MOSPD1: variants seen among roughly 807,000 people sequenced by gnomAD.
MOSPD1 encodes motile sperm domain-containing protein 1.
A neutral mutation model predicts 16.7 loss-of-function variants in MOSPD1; 5 were observed. The observed-to-expected ratio is 0.30, with a 90% CI of 0.16 to 0.63. The LOEUF is 0.63. Among genes scored for constraint, MOSPD1 ranks in the 30% least tolerant of loss-of-function variants. MOSPD1 has a pLI of 0.82. For synonymous variants in MOSPD1, 67 were observed against 59.2 expected, an observed-to-expected ratio of 1.13 and a Z score of -0.61; for missense variants, 104 against 153.6, an observed-to-expected ratio of 0.68 and a Z score of 1.71.
At chrX:134,910,761 G>A (rs149845406) in intron 1 of MOSPD1, among the ~76,000 whole-genome samples, 6,693 of 111,857 alleles carry the variant, frequency 0.06, 212 homozygotes, top group Non-Finnish European at 0.093. Flanking sequence ...AGCAAATATG[G>A]GGAGAGGGGC....
chrX:134,896,801 A>G lies in MOSPD1; in HGVS notation c.448+16T>C, dbSNP rs1165169347. On this transcript the variant is annotated intron_variant, in intron 4 of 5. Transcript: ENST00000370783. The stretch of plus-strand genomic sequence containing the variant: ...TGTAAGACCTCAAAAGGGCTTTAAA[A>G]ACAACCCAAAACTACCTGGTTGAAA... 1 of 1,186,305 alleles carries G rather than the reference A, an allele frequency of 8.4e-7. No homozygotes were observed. The highest frequency in any genetic ancestry group is 1.1e-6 in the Non-Finnish European group (1 of 873,745).
At chrX:134,911,684 T>C (rs773810188) in intron 1 of MOSPD1, among the ~76,000 whole-genome samples, 1 of 112,320 alleles carries the variant, frequency 8.9e-6, no homozygotes, top group Non-Finnish European at 1.9e-5. Context: ...AATCAATCAG[T>C]GAGACTGACA....
intron 3 of MOSPD1, 181 bp downstream of exon 3, chrX:134,898,909 T>G (rs1292594719): frequency 2.5e-6 from 1 of 405,924 alleles, no homozygotes; most frequent in Non-Finnish European, 4.3e-6. Flanking sequence ...TAATAAAATA[T>G]TATTAAGTAT....
At position 134,891,644 on chromosome X, in the gene MOSPD1, T is replaced by C. The variant is rs1469079155; in HGVS notation, c.449-4A>G. 1.7e-6 allele frequency: 2 copies of C among 1,201,995 alleles called. No individual in the cohort carries two copies. The highest frequency in any genetic ancestry group is 3.5e-5 in the African/African-American group (2 of 56,643). On this transcript the variant is annotated splice_region_variant and splice_polypyrimidine_tract_variant and intron_variant, in intron 4 of 5. Coordinates refer to ENST00000370783, the MANE Select transcript of MOSPD1 (RefSeq NM_019556.3). The stretch of plus-strand genomic sequence containing the variant: ...CCTGAGGATACAGCTCTGTTTTCTG[T>C]AAAAAGACAAAAATCCCTAAGCTTC...
intron 1 of MOSPD1, among the ~76,000 whole-genome samples, chrX:134,905,085 CGCG>C (rs2082934464): frequency 2.9e-5 from 3 of 104,517 alleles, no homozygotes; most frequent in Non-Finnish European, 6.0e-5. Context: ...TAAGGCCGGG[CGCG>C]GTGGCTCACG....
intron 4 of MOSPD1, among the ~76,000 whole-genome samples, chrX:134,892,163 G>A (rs894140501): frequency 1.8e-5 from 2 of 111,434 alleles, no homozygotes; most frequent in Non-Finnish European, 3.8e-5. Context: ...ATATTTTAAG[G>A]AGCTCCCCAG....
chrX:134,897,580 A>G (rs1382769040), intron 3 of MOSPD1, among the ~76,000 whole-genome samples: 1 of 102,065 alleles, frequency 9.8e-6, no homozygotes, highest in Non-Finnish European at 1.9e-5. Context: ...AAAGAAAAAA[A>G]ATTCTCTTTA....
chrX:134,894,424 T>C (rs2148391718), intron 4 of MOSPD1, among the ~76,000 whole-genome samples: 1 of 111,970 alleles, frequency 8.9e-6, no homozygotes, highest in East Asian at 2.8e-4. Flanking sequence ...CTTGTAAAAG[T>C]AATGACATTT....
intron 1 of MOSPD1, among the ~76,000 whole-genome samples, chrX:134,912,766 C>T (rs1356132876): frequency 2.8e-5 from 3 of 108,133 alleles, no homozygotes; most frequent in African/African-American, 1.0e-4. Context: ...GGTGAAACCC[C>T]GTCTCTACTA....
At chrX:134,890,930 G>A (rs977361395) in intron 5 of MOSPD1, among the ~76,000 whole-genome samples, 1 of 111,911 alleles carries the variant, frequency 8.9e-6, no homozygotes, top group African/African-American at 3.3e-5. Context: ...ACTAATCCTC[G>A]ACACATGGAA....
In MOSPD1 at chrX:134,888,918, T is replaced by C; in HGVS notation, c.*243A>G. 1 of 198,489 alleles carries C rather than the reference T, an allele frequency of 5.0e-6. No individual in the cohort carries two copies. Among genetic ancestry groups the C allele is most frequent in the Non-Finnish European group, 9.4e-6 (1 of 106,845 alleles). 16.4% of individuals were successfully genotyped at this position (198,489 alleles called of 1,213,427 possible). A position where few individuals can be genotyped will look rare whatever the true frequency, so the allele number is the denominator to read the frequency against. On this transcript the variant is annotated 3_prime_UTR_variant, in exon 6 of 6. Transcript: ENST00000370783. ...AAGTTTCTTACACAACAGGTATAGA[T>C]ATAAAAAGAATTTCTTCAAATAATT...
intron 1 of MOSPD1, among the ~76,000 whole-genome samples, chrX:134,902,688 G>A (rs2082918045): frequency 9.1e-6 from 1 of 109,519 alleles, no homozygotes; most frequent in Non-Finnish European, 1.9e-5. Flanking sequence ...AGCTACTCAG[G>A]GGGCTGAGGT....
intron 1 of MOSPD1, among the ~76,000 whole-genome samples, chrX:134,914,540 G>C (rs756976036): frequency 1.8e-5 from 2 of 111,210 alleles, no homozygotes; most frequent in South Asian, 7.6e-4. Flanking sequence ...CAGAGGTCTG[G>C]GGAGGGGGAA....
intron 1 of MOSPD1, among the ~76,000 whole-genome samples, chrX:134,903,980 T>C (rs1044489404): frequency 9.0e-6 from 1 of 111,570 alleles, no homozygotes; most frequent in Non-Finnish European, 1.9e-5. Context: ...GAGGTTGCAG[T>C]GAGCCGAGAC....
At chrX:134,890,808 C>CTAAA (rs1219242998) in intron 5 of MOSPD1, among the ~76,000 whole-genome samples, 7 of 110,638 alleles carry the variant, frequency 6.3e-5, no homozygotes, top group Non-Finnish European at 1.3e-4. Flanking sequence ...AATTCCGTCT[C>CTAAA]TAAATAAATA....
chrX:134,907,786 G>A (rs2082950578), intron 1 of MOSPD1, among the ~76,000 whole-genome samples: 1 of 112,805 alleles, frequency 8.9e-6, no homozygotes, highest in Non-Finnish European at 1.9e-5. Flanking sequence ...AGAATTGCTT[G>A]AACCAGGAAG....
At chrX:134,895,218 G>A (rs1053073893) in intron 4 of MOSPD1, among the ~76,000 whole-genome samples, 5 of 109,921 alleles carry the variant, frequency 4.5e-5, no homozygotes, top group Admixed American at 9.8e-5. Context: ...CCAGCTACTC[G>A]GGAGGCTGAG....
intron 5 of MOSPD1, among the ~76,000 whole-genome samples, 182 bp downstream of exon 5, chrX:134,891,297 A>C (rs2082861880): frequency 9.1e-6 from 1 of 109,837 alleles, no homozygotes; most frequent in African/African-American, 3.3e-5. Context: ...GTACTAGATA[A>C]ATAAGCTAAA....
rs945024825 is a variant in MOSPD1 at position 134,887,949 on chromosome X, G to T, written c.*1212C>A. On this transcript the variant is annotated 3_prime_UTR_variant, in exon 6 of 6. Coordinates refer to ENST00000370783, the MANE Select transcript of MOSPD1 (RefSeq NM_019556.3). ...CTGTTTTCTGCAAAAACCAACCTCA[G>T]GCATACATTTGTGTTTACATATATT... 4 of 112,611 alleles carry T rather than the reference G, an allele frequency of 3.6e-5. 1 individual carries two copies. The Admixed American group carries it at 3.8e-4, about 11-fold the overall frequency. 9.3% of individuals were successfully genotyped at this position (112,611 alleles called of 1,213,427 possible). A position where few individuals can be genotyped will look rare whatever the true frequency, so the allele number is the denominator to read the frequency against.
Sources: allele counts gnomAD v4.1 joint callset (sites outside exome capture counted in the v4.1 genomes callset), GRCh38; gene constraint gnomAD v4.1.1; transcripts MANE v1.5; gene names NCBI Gene and HGNC (gene_info 2026-07-23, HGNC 2026-07-21).